The following KMT5B variants were observed in gnomAD, a reference collection of about 807,000 sequenced individuals.
KMT5B encodes the protein lysine methyltransferase 5B, also known as histone-lysine N-methyltransferase KMT5B.
A neutral mutation model predicts 83.2 loss-of-function variants in KMT5B; 10 were observed. That is an observed-to-expected ratio of 0.12 (90% confidence interval 0.07 to 0.20). KMT5B has a LOEUF of 0.20. KMT5B is among the 10% of genes least tolerant of loss of function. The pLI, the probability that KMT5B is intolerant of heterozygous loss-of-function variation, is 1.00. For missense variants in KMT5B, 753 were observed against 1,067.2 expected (o/e 0.71, Z 4.10); for synonymous variants, 349 against 388.8 (o/e 0.90, Z 1.20).
intron 10 of KMT5B, chr11:68,164,653 C>CTGA (rs746150481): frequency 3.9e-6 from 2 of 514,166 alleles, no homozygotes; most frequent in Non-Finnish European, 7.8e-6. Flanking sequence ...GTTAGTCATA[C>CTGA]TGATCCTTGG....
intron 10 of KMT5B, among the ~76,000 whole-genome samples, chr11:68,162,377 C>T (rs966012418): frequency 2.0e-5 from 3 of 152,194 alleles, no homozygotes; most frequent in African/African-American, 7.2e-5. Context: ...TTGACTCAAA[C>T]TCCCCTCTGT....
intron 1 of KMT5B, among the ~76,000 whole-genome samples, chr11:68,207,706 G>A (rs1057441030): frequency 6.7e-6 from 1 of 149,978 alleles, no homozygotes; most frequent in African/African-American, 2.5e-5. Flanking sequence ...CAGGAGAATC[G>A]CTTGAACCCA....
At position 68,184,393 on chromosome 11, in the gene KMT5B, T is replaced by G. The variant is rs1020710067; in HGVS notation, c.308+1388A>C. Among the ~76,000 whole-genome samples the G allele has an allele frequency of 2.6e-5, 4 of 152,094 alleles. No homozygotes were observed. In the East Asian group the frequency reaches 7.7e-4, roughly 29 times the overall value. On this transcript the variant is annotated intron_variant, in intron 3 of 10. Coordinates refer to ENST00000304363, the MANE Select transcript of KMT5B (RefSeq NM_017635.5). ...TCTAAAAAAGAAAAGAAAAAAAAAT[T>G]TATGAAAAAAACAAAAGCATATTTT...
chr11:68,187,087 C>T (rs906290019), intron 2 of KMT5B, among the ~76,000 whole-genome samples: 1 of 151,988 alleles, frequency 6.6e-6, no homozygotes, highest in African/African-American at 2.4e-5. Context: ...GCCTCGAATT[C>T]CTGGGCTCAA....
intron 1 of KMT5B, among the ~76,000 whole-genome samples, chr11:68,198,926 T>C (rs1352444720): frequency 3.3e-5 from 5 of 152,210 alleles, no homozygotes; most frequent in Non-Finnish European, 7.3e-5. Flanking sequence ...AGATGGGGTT[T>C]CACCGTGTTA....
intron 1 of KMT5B, among the ~76,000 whole-genome samples, chr11:68,211,403 ACT>A (rs1860878159): frequency 1.3e-5 from 2 of 151,958 alleles, no homozygotes. Flanking sequence ...GCCCTACCCT[ACT>A]CTCTTATTGA....
intron 1 of KMT5B, among the ~76,000 whole-genome samples, chr11:68,208,145 A>C (rs1860400984): frequency 6.7e-6 from 1 of 150,010 alleles, no homozygotes; most frequent in African/African-American, 2.5e-5. Flanking sequence ...CCCCAAACAA[A>C]TTTTTAAACA....
intron 1 of KMT5B, among the ~76,000 whole-genome samples, chr11:68,197,584 G>T (rs1858877455): frequency 1.3e-5 from 2 of 152,134 alleles, no homozygotes; most frequent in African/African-American, 4.8e-5. Flanking sequence ...ATGGAACACA[G>T]ACTGAGATCC....
chr11:68,163,609 G>A (rs544959062), intron 10 of KMT5B, among the ~76,000 whole-genome samples: 7 of 152,326 alleles, frequency 4.6e-5, no homozygotes, highest in Non-Finnish European at 8.8e-5. Flanking sequence ...CACAATCAGC[G>A]TGAACTAAGA....
At chr11:68,173,309 G>C (rs1856025710) in intron 6 of KMT5B, among the ~76,000 whole-genome samples, 1 of 152,160 alleles carries the variant, frequency 6.6e-6, no homozygotes, top group Non-Finnish European at 1.5e-5. Flanking sequence ...CCAAAGTGCT[G>C]GGATTATAGG....
At position 68,171,477 on chromosome 11, in the gene KMT5B, AAGGCCATTCTAGC is replaced by A. The variant is rs1855830548; in HGVS notation, c.820+53_820+65del. ...AGATAAAGGTTTGACTGAGGTTGAC[AAGGCCATTCTAGC>A]AGTTAGCAGGAATGGCCAACACTAG... On this transcript the variant is annotated intron_variant, in intron 7 of 10. Coordinates refer to ENST00000304363, the MANE Select transcript of KMT5B (RefSeq NM_017635.5). The surrounding 1 kb of genome is among the most constrained non-coding windows in gnomAD (Gnocchi z 5.1). The A allele has an allele frequency of 6.6e-7, 1 of 1,515,490 alleles. No individual in the cohort carries two copies. Among genetic ancestry groups the A allele is most frequent in the South Asian group, 1.2e-5 (1 of 82,184 alleles). 93.9% of individuals were successfully genotyped at this position (1,515,490 alleles called of 1,614,324 possible). A position where few individuals can be genotyped will look rare whatever the true frequency, so the allele number is the denominator to read the frequency against.
chr11:68,159,221 C>G (rs1854648044), intron 10 of KMT5B, 50 bp from the exon 11 acceptor site: 1 of 1,502,948 alleles, frequency 6.7e-7, no homozygotes, highest in Non-Finnish European at 8.8e-7. Flanking sequence ...CAGCAGAGTT[C>G]AAGAAAAGAA....
intron 3 of KMT5B, among the ~76,000 whole-genome samples, chr11:68,184,610 C>T (rs1857259664): frequency 1.3e-5 from 2 of 152,172 alleles, no homozygotes; most frequent in South Asian, 4.1e-4. Context: ...CAAGTTCCCC[C>T]AGGGTTGCCA....
chr11:68,204,784 T>C (rs779553601), intron 1 of KMT5B, among the ~76,000 whole-genome samples: 2 of 152,048 alleles, frequency 1.3e-5, no homozygotes, highest in African/African-American at 2.4e-5. Flanking sequence ...GCCAGGCTAA[T>C]TTTTGTATTT....
intron 1 of KMT5B, among the ~76,000 whole-genome samples, chr11:68,208,239 G>C (rs533907730): frequency 6.0e-5 from 9 of 150,776 alleles, no homozygotes; most frequent in Non-Finnish European, 1.2e-4. Flanking sequence ...ACGAGGTCAG[G>C]AGTTCAAGAC....
At position 68,156,233 on chromosome 11, in the gene KMT5B, T is replaced by A. The variant is rs1381305627; in HGVS notation, c.*1455A>T. ...GTATATCAGAAAGTACAGGTACACA[T>A]TTCCCAGAAATAAAGAGACCTACTG... On this transcript the variant is annotated 3_prime_UTR_variant, in exon 11 of 11. Transcript: ENST00000304363. 1 of 152,362 alleles carries A rather than the reference T, an allele frequency of 6.6e-6. No individual in the cohort carries two copies. The highest frequency in any genetic ancestry group is 1.5e-5 in the Non-Finnish European group (1 of 68,044). The allele number at this position is 152,362 out of a possible 1,614,324, so 9.4% of individuals were successfully genotyped here. A position where few individuals can be genotyped will look rare whatever the true frequency, so the allele number is the denominator to read the frequency against.
At chr11:68,211,741 G>T (rs1860931470) in intron 1 of KMT5B, among the ~76,000 whole-genome samples, 1 of 152,198 alleles carries the variant, frequency 6.6e-6, no homozygotes, top group Non-Finnish European at 1.5e-5. Flanking sequence ...AAAAGGGGTG[G>T]AGGAATGCCG....
chr11:68,180,092 G>C (rs1035269491), intron 4 of KMT5B, 40 bp downstream of exon 4: 2 of 1,549,560 alleles, frequency 1.3e-6, no homozygotes, highest in Non-Finnish European at 1.8e-6. Context: ...GCTAGAATGG[G>C]TTAGTCAGTA....
chr11:68,192,048 G>A (rs1858147460), intron 1 of KMT5B, among the ~76,000 whole-genome samples: 1 of 152,160 alleles, frequency 6.6e-6, no homozygotes, highest in Non-Finnish European at 1.5e-5. Flanking sequence ...GTAACAAGCT[G>A]TACAGGTTAG....
Sources: allele counts gnomAD v4.1 joint callset (sites outside exome capture counted in the v4.1 genomes callset), GRCh38; gene constraint gnomAD v4.1.1; non-coding constraint Gnocchi (gnomAD v3.1); transcripts MANE v1.5; gene names NCBI Gene and HGNC (gene_info 2026-07-23, HGNC 2026-07-21).